Variants in ZNRF3 observed in about 807,000 individuals in gnomAD.
ZNRF3 encodes E3 ubiquitin-protein ligase ZNRF3.
A neutral mutation model predicts 72.5 loss-of-function variants in ZNRF3; 23 were observed. That is an observed-to-expected ratio of 0.32 (90% CI 0.23 to 0.45). ZNRF3 has a LOEUF of 0.45. Ranked by LOEUF, ZNRF3 falls within the 20% of genes least tolerant of loss-of-function variation. The pLI is 1.00. For synonymous variants in ZNRF3, 610 were observed against 545.3 expected (o/e 1.12, Z -1.65); for missense variants, 1,169 against 1,272.1 (o/e 0.92, Z 1.23).
intron 1 of ZNRF3, among the ~76,000 whole-genome samples, chr22:28,911,927 A>G (rs1020759498): frequency 1.3e-5 from 2 of 152,158 alleles, no homozygotes; most frequent in Non-Finnish European, 2.9e-5. Context: ...CTTCCCCCAA[A>G]TGAATGAGGA....
At chr22:29,023,883 G>T (rs749605067) in intron 2 of ZNRF3, among the ~76,000 whole-genome samples, 11 of 152,070 alleles carry the variant, frequency 7.2e-5, no homozygotes, top group Admixed American at 2.6e-4. Flanking sequence ...AGCCAATGTC[G>T]GCATATTCTA....
At chr22:28,911,213 G>A (rs2034309829) in intron 1 of ZNRF3, among the ~76,000 whole-genome samples, 1 of 152,186 alleles carries the variant, frequency 6.6e-6, no homozygotes, top group South Asian at 2.1e-4. Context: ...GGGAATTGGG[G>A]AGGGAAAGAA....
chr22:28,965,813 C>T (rs1044120173), intron 1 of ZNRF3, among the ~76,000 whole-genome samples: 8 of 152,110 alleles, frequency 5.3e-5, no homozygotes, highest in Admixed American at 3.3e-4. Context: ...TTTAGGAATA[C>T]GCAAGTGTTG....
At chr22:29,047,004 C>A in intron 6 of ZNRF3, 121 bp downstream of exon 6, 1 of 1,021,660 alleles carries the variant, frequency 9.8e-7, no homozygotes, top group Non-Finnish European at 1.3e-6. Context: ...TAGAGTCACT[C>A]TTCTGAAAAT....
At chr22:29,028,042 TAATG>T (rs2036675316) in intron 2 of ZNRF3, among the ~76,000 whole-genome samples, 1 of 152,194 alleles carries the variant, frequency 6.6e-6, no homozygotes. Context: ...GGTGAAGAGA[TAATG>T]AAATTTTCTT....
intron 1 of ZNRF3, among the ~76,000 whole-genome samples, chr22:28,921,350 C>T (rs546920465): frequency 1.3e-5 from 2 of 152,282 alleles, no homozygotes; most frequent in East Asian, 1.9e-4. Context: ...AGTCTAACCC[C>T]GCCTTCCCCT....
At chr22:28,969,542 C>G (rs903727794) in intron 1 of ZNRF3, among the ~76,000 whole-genome samples, 4 of 152,150 alleles carry the variant, frequency 2.6e-5, no homozygotes, top group Non-Finnish European at 4.4e-5. Flanking sequence ...GGTAGGTAGG[C>G]CTGGCATGTG....
chr22:29,006,091 C>T (rs1237915176), intron 2 of ZNRF3, among the ~76,000 whole-genome samples: 1 of 152,072 alleles, frequency 6.6e-6, no homozygotes, highest in African/African-American at 2.4e-5. Flanking sequence ...AAAGCCTGCT[C>T]CCCTAGCTTG....
intron 1 of ZNRF3, among the ~76,000 whole-genome samples, chr22:28,918,854 T>C (rs1459951802): frequency 6.6e-6 from 1 of 152,182 alleles, no homozygotes; most frequent in Non-Finnish European, 1.5e-5. Context: ...ACGCTGGGCA[T>C]GAAGTCAGTG....
chr22:28,988,139 A>T (rs1470791628), intron 2 of ZNRF3, among the ~76,000 whole-genome samples: 1 of 152,180 alleles, frequency 6.6e-6, no homozygotes, highest in South Asian at 2.1e-4. Flanking sequence ...TGTTAAAAGG[A>T]GAGGTTCAGA....
intron 2 of ZNRF3, among the ~76,000 whole-genome samples, chr22:29,011,666 G>A (rs899937322): frequency 6.6e-6 from 1 of 152,246 alleles, no homozygotes; most frequent in African/African-American, 2.4e-5. Context: ...TATGCAGGCA[G>A]CTCTCCTCTA....
Position 29,049,487 on chromosome 22 carries a change from G to A in ZNRF3, c.1306G>A (p.Glu436Lys). Reference sequence around the variant, plus strand: ...CCTGGCCGCTCACCGCTGCGGCCTGGAGCACCGGGCCTACTCCCCAGCCCA... The same window carrying A: ...CCTGGCCGCTCACCGCTGCGGCCTGAAGCACCGGGCCTACTCCCCAGCCCA... ...HSLAAHRCGLEHRAYSPAHPF... is the reference protein window; with the variant it reads ...HSLAAHRCGLKHRAYSPAHPF... The change falls in exon 8 of 9, where the codon GAG becomes AAG. Residue 436 changes from glutamate to lysine, a missense_variant. By Grantham distance (56) the Glu-to-Lys change is moderately conservative. Transcript: ENST00000544604. The surrounding 1 kb of genome is among the most constrained non-coding windows in gnomAD (Gnocchi z 5.2). 6.2e-7 allele frequency: 1 copy of A among 1,604,882 alleles called. No individual in the cohort carries two copies. Among genetic ancestry groups the A allele is most frequent in the Non-Finnish European group, 8.5e-7 (1 of 1,179,712 alleles).
rs1242446288 is a variant in ZNRF3, at chr22:28,919,541, CT to C, written c.300+35491del. Among the ~76,000 whole-genome samples the C allele has an allele frequency of 1.8e-3, 251 of 140,450 alleles. 1 individual carries two copies. The highest frequency in any genetic ancestry group is 1.9e-3 in the Admixed American group (27 of 14,032). The allele number at this position is 140,450 out of a possible 152,430, so 92.1% of individuals were successfully genotyped here. A position where few individuals can be genotyped will look rare whatever the true frequency, so the allele number is the denominator to read the frequency against. ...CCCGGTTAGACTTTTAGCCTCTTTACTTTTTTTTTTTTTTTTGAGACGGAGT... is the reference window on the plus strand; with the variant it reads ...CCCGGTTAGACTTTTAGCCTCTTTACTTTTTTTTTTTTTTTGAGACGGAGT... On this transcript the variant is annotated intron_variant, in intron 1 of 8. Transcript: ENST00000544604.
At chr22:28,924,741 A>C (rs896338357) in intron 1 of ZNRF3, among the ~76,000 whole-genome samples, 1 of 151,992 alleles carries the variant, frequency 6.6e-6, no homozygotes, top group East Asian at 1.9e-4. Flanking sequence ...TGTCTCTAAA[A>C]AATAATAATA....
chr22:28,919,605 T>C (rs2034473076), intron 1 of ZNRF3, among the ~76,000 whole-genome samples: 1 of 151,588 alleles, frequency 6.6e-6, no homozygotes, highest in South Asian at 2.1e-4. Context: ...AGTGGTGCGA[T>C]CTTGGCTCAC....
intron 1 of ZNRF3, among the ~76,000 whole-genome samples, chr22:28,933,118 TAATAGC>T (rs2034740877): frequency 1.3e-5 from 2 of 152,236 alleles, no homozygotes; most frequent in African/African-American, 4.8e-5. Flanking sequence ...ACCTGTATTT[TAATAGC>T]TTGTGGTTTT....
At chr22:29,053,248 A>C (rs979646348) in intron 8 of ZNRF3, among the ~76,000 whole-genome samples, 2 of 152,176 alleles carry the variant, frequency 1.3e-5, no homozygotes, top group African/African-American at 4.8e-5. Context: ...CTTTGTCTCA[A>C]GGTTCGTAAT....
At chr22:28,953,593 A>G (rs982589986) in intron 1 of ZNRF3, among the ~76,000 whole-genome samples, 15 of 152,312 alleles carry the variant, frequency 9.8e-5, no homozygotes, top group Non-Finnish European at 1.6e-4. Flanking sequence ...TAAACATTAG[A>G]ACCTTTCAAG....
Position 29,002,619 on chromosome 22 carries a change from T to G in ZNRF3, c.426+15418T>G, listed in dbSNP as rs141418196. 7.6e-3 allele frequency among the ~76,000 whole-genome samples: 1,154 copies of G among 152,348 alleles called. 21 individuals are homozygous for G. Among genetic ancestry groups the G allele is most frequent in the African/African-American group, 0.027 (1,114 of 41,584 alleles). ...AAAGGTTTGCTGATGCGCACCAGACTGTAAATAATTGCCCTAACTGATGGC... is the reference window on the plus strand; with the variant it reads ...AAAGGTTTGCTGATGCGCACCAGACGGTAAATAATTGCCCTAACTGATGGC... On this transcript the variant is annotated intron_variant, in intron 2 of 8. Transcript: ENST00000544604.
Sources: gnomAD v4.1 joint callset for allele counts (sites outside exome capture counted in the v4.1 genomes callset) on GRCh38, gnomAD v4.1.1 for gene constraint, Gnocchi (gnomAD v3.1) non-coding constraint, MANE v1.5 for transcripts, NCBI Gene and HGNC (gene_info 2026-07-23, HGNC 2026-07-21) for gene names.